CPS1: variants seen among roughly 807,000 people sequenced by gnomAD.
CPS1 encodes carbamoyl-phosphate synthase [ammonia], mitochondrial.
Under a neutral mutation model 174.6 loss-of-function variants are expected in CPS1, and 109 were observed. That is an observed-to-expected ratio of 0.62 (90% CI 0.53 to 0.73). The LOEUF (loss-of-function observed/expected upper bound fraction) is 0.73. Among genes scored for constraint, CPS1 ranks in the 30% least tolerant of loss-of-function variants. The pLI is 0.00. For synonymous variants in CPS1, 637 were observed against 632.0 expected (o/e 1.01, Z -0.12); for missense variants, 1,689 against 1,821.9 (o/e 0.93, Z 1.33).
intron 30 of CPS1, among the ~76,000 whole-genome samples, chr2:210,656,905 C>T (rs374731888): frequency 1.3e-5 from 2 of 152,080 alleles, no homozygotes; most frequent in East Asian, 1.9e-4. Context: ...TTGTTAAACA[C>T]ATTGCTGGAC....
At chr2:210,483,626 G>A (rs1694635047) in intron 1 of CPS1, among the ~76,000 whole-genome samples, 1 of 152,042 alleles carries the variant, frequency 6.6e-6, no homozygotes, top group African/African-American at 2.4e-5. Context: ...TTGACTATAT[G>A]GGTCCTCTCG....
upstream of CPS1, among the ~76,000 whole-genome samples, chr2:210,555,944 T>G (rs1391316730): frequency 6.6e-6 from 1 of 152,074 alleles, no homozygotes; most frequent in Non-Finnish European, 1.5e-5. Context: ...TTTGTCATTG[T>G]TTCATGAAGT....
At chr2:210,567,459 AAAAC>A (rs1325480795) in intron 1 of CPS1, among the ~76,000 whole-genome samples, 22 of 152,162 alleles carry the variant, frequency 1.4e-4, no homozygotes, top group Admixed American at 2.6e-4. Context: ...TCAGTGAATT[AAAAC>A]AAACAAATTT....
At chr2:210,488,007 A>G (rs1262903071) in intron 1 of CPS1, among the ~76,000 whole-genome samples, 2 of 152,004 alleles carry the variant, frequency 1.3e-5, no homozygotes, top group African/African-American at 4.8e-5. Flanking sequence ...GGGCATCTAA[A>G]CCTCTCTCAG....
In CPS1 at chr2:210,656,607, C is replaced by T; in HGVS notation, c.3641C>T (p.Thr1214Ile). 6.2e-7 allele frequency: 1 copy of T among 1,611,348 alleles called. No homozygotes were observed. Among genetic ancestry groups the T allele is most frequent in the South Asian group, 1.1e-5 (1 of 90,978 alleles). ...GCCACTCTGATGCTGCCCACACAAACCATCAGCCAAGGGGCCATTGAAAAG... is the reference window on the plus strand; with the variant it reads ...GCCACTCTGATGCTGCCCACACAAATCATCAGCCAAGGGGCCATTGAAAAG... The part of the protein sequence containing the change: ...GDATLMLPTQ[T>I]ISQGAIEKVK... Residue 1214 changes from threonine (T) to isoleucine (I), a missense_variant, in exon 30 of 38, where the codon ACC (threonine) becomes ATC (isoleucine). Coordinates refer to ENST00000233072, the MANE Select transcript of CPS1 (RefSeq NM_001875.5).
At chr2:210,642,731 A>T in intron 25 of CPS1, 66 bp downstream of exon 25, 1 of 1,407,790 alleles carries the variant, frequency 7.1e-7, no homozygotes, top group Non-Finnish European at 9.9e-7. Context: ...CACTTTATAT[A>T]TATGCATTCT....
At chr2:210,594,660 T>A in intron 12 of CPS1, 54 bp downstream of exon 12, 1 of 1,309,220 alleles carries the variant, frequency 7.6e-7, no homozygotes, top group Non-Finnish European at 1.1e-6. Context: ...CCCTATCACA[T>A]GAAGATTTTT....
At chr2:210,604,137 C>A (rs1235418396) in intron 16 of CPS1, among the ~76,000 whole-genome samples, 1 of 151,778 alleles carries the variant, frequency 6.6e-6, no homozygotes, top group East Asian at 1.9e-4. Flanking sequence ...ACTTTGAGAA[C>A]CTCATCGTGG....
chr2:210,509,209 T>C (rs1695381039), intron 1 of CPS1, among the ~76,000 whole-genome samples: 2 of 152,314 alleles, frequency 1.3e-5, no homozygotes, highest in East Asian at 3.9e-4. Context: ...ATCCCTGGGA[T>C]GCAAGGCTGG....
At chr2:210,571,087 A>G (rs756149719) in intron 1 of CPS1, among the ~76,000 whole-genome samples, 1 of 151,964 alleles carries the variant, frequency 6.6e-6, no homozygotes, top group Non-Finnish European at 1.5e-5. Context: ...CAGAATTCAG[A>G]CTTCTGTATT....
chr2:210,534,312 TGA>T (rs1696191842), intron 1 of CPS1, among the ~76,000 whole-genome samples: 1 of 152,190 alleles, frequency 6.6e-6, no homozygotes, highest in East Asian at 1.9e-4. Flanking sequence ...GGGAAAGGGA[TGA>T]AGGGCACCTT....
intron 34 of CPS1, chr2:210,672,532 A>G (rs1701344894): frequency 6.6e-6 from 1 of 152,210 alleles, no homozygotes; most frequent in South Asian, 2.1e-4. Context: ...AAAAATTTAT[A>G]TGCCATCAAA....
At chr2:210,620,236 T>C (rs1699463675) in intron 21 of CPS1, among the ~76,000 whole-genome samples, 1 of 152,098 alleles carries the variant, frequency 6.6e-6, no homozygotes, top group South Asian at 2.1e-4. Flanking sequence ...TTAGTATATA[T>C]AAATATTCAC....
intron 3 of CPS1, 132 bp from the exon 4 acceptor site, chr2:210,577,289 C>G: frequency 1.4e-6 from 1 of 706,454 alleles, no homozygotes. Flanking sequence ...TTTTTTTTTG[C>G]CTCTTGTTTT....
intron 16 of CPS1, among the ~76,000 whole-genome samples, chr2:210,603,790 ATAAT>A (rs1698807100): frequency 1.3e-5 from 2 of 151,920 alleles, no homozygotes; most frequent in Non-Finnish European, 2.9e-5. Flanking sequence ...TCCCTTGAGA[ATAAT>A]TAGTCATATC....
intron 1 of CPS1, among the ~76,000 whole-genome samples, chr2:210,482,166 C>T (rs181657187): frequency 2.8e-4 from 43 of 152,182 alleles, no homozygotes; most frequent in African/African-American, 8.7e-4. Flanking sequence ...CCCTGGGTAA[C>T]TCCGAGTTCG....
chr2:210,526,130 G>C (rs1226012190), intron 1 of CPS1, among the ~76,000 whole-genome samples: 1 of 151,848 alleles, frequency 6.6e-6, no homozygotes. Context: ...ACTAACACAC[G>C]AACAGAAAAC....
At chr2:210,534,859 G>A (rs765775974) in intron 1 of CPS1, among the ~76,000 whole-genome samples, 1 of 152,176 alleles carries the variant, frequency 6.6e-6, no homozygotes, top group Non-Finnish European at 1.5e-5. Context: ...GTGGCTTATA[G>A]GTCATCCTGG....
intron 21 of CPS1, chr2:210,618,931 T>C (rs754026492): frequency 3.3e-5 from 5 of 152,124 alleles, no homozygotes; most frequent in Non-Finnish European, 5.9e-5. Flanking sequence ...CTTTTTCATT[T>C]GTATTTATTT....
Sources: allele counts gnomAD v4.1 joint callset (sites outside exome capture counted in the v4.1 genomes callset), GRCh38; gene constraint gnomAD v4.1.1; transcripts MANE v1.5; gene names NCBI Gene and HGNC (gene_info 2026-07-23, HGNC 2026-07-21).